Variants in LPP observed in about 807,000 individuals in gnomAD.
LPP encodes LIM domain containing preferred translocation partner in lipoma, also known as lipoma-preferred partner.
Under a neutral mutation model 60.4 loss-of-function variants are expected in LPP, and 38 were observed. The ratio of observed to expected loss-of-function variants is 0.63; its 90% CI spans 0.49 to 0.83. The LOEUF is 0.83. LPP is among the 40% of genes least tolerant of loss of function. The pLI, the probability that LPP is intolerant of heterozygous loss-of-function variation, is 0.00. For missense variants in LPP, 902 were observed against 783.6 expected, an observed-to-expected ratio of 1.15 and a Z score of -1.80; for synonymous variants, 328 against 290.8, an observed-to-expected ratio of 1.13 and a Z score of -1.30.
Position 188,213,961 on chromosome 3 carries a change from AACACACAC to A in LPP, c.-189-11411_-189-11404del, listed in dbSNP as rs59389556. The stretch of plus-strand genomic sequence containing the variant: ...GAGTCCTGATTCTGATTAGATTTTA[AACACACAC>A]ACACACACACACACACACACACACA... On this transcript the variant is annotated intron_variant, in intron 1 of 11. Transcript: ENST00000617246. 5.2e-4 allele frequency among the ~76,000 whole-genome samples: 68 copies of A among 130,408 alleles called. 1 individual carries two copies. Among genetic ancestry groups the A allele is most frequent in the Admixed American group, 1.2e-3 (15 of 12,380 alleles). 85.6% of individuals were successfully genotyped at this position (130,408 alleles called of 152,430 possible). A position where few individuals can be genotyped will look rare whatever the true frequency, so the allele number is the denominator to read the frequency against.
chr3:188,416,691 T>C (rs1248178198), intron 4 of LPP, among the ~76,000 whole-genome samples: 4 of 152,146 alleles, frequency 2.6e-5, no homozygotes, highest in Admixed American at 6.6e-5. Context: ...TAGACACCAA[T>C]CGTTTGCATA....
In LPP at chr3:188,708,592, A is replaced by T. The variant is rs548976184; in HGVS notation, c.1240+199A>T. On this transcript the variant is annotated intron_variant, in intron 8 of 11. Coordinates refer to ENST00000617246, the MANE Select transcript of LPP (RefSeq NM_001375462.1). ...CATAGATGTGATGTCTACTTAGCTT[A>T]TACTAAAATTTCAGTGGTCCTTAGA... is the stretch of plus-strand genomic sequence containing the variant. The T allele has an allele frequency of 4.5e-6, 3 of 668,510 alleles. No individual in the cohort carries two copies. The East Asian group carries it at 8.1e-5, about 18-fold the overall frequency. 41.4% of individuals were successfully genotyped at this position (668,510 alleles called of 1,614,324 possible). A position where few individuals can be genotyped will look rare whatever the true frequency, so the allele number is the denominator to read the frequency against.
At chr3:188,550,495 T>C (rs1001055111) in intron 6 of LPP, among the ~76,000 whole-genome samples, 8 of 147,254 alleles carry the variant, frequency 5.4e-5, no homozygotes, top group Admixed American at 4.9e-4. Context: ...GGAGAATCGC[T>C]TGAACCTGAG....
chr3:188,607,190 G>C (rs946406853), intron 6 of LPP, among the ~76,000 whole-genome samples: 3 of 145,618 alleles, frequency 2.1e-5, no homozygotes, highest in Non-Finnish European at 4.5e-5. Flanking sequence ...TGAAGTCTTT[G>C]AATTAAAGCA....
intron 2 of LPP, among the ~76,000 whole-genome samples, chr3:188,268,317 A>C (rs1009747429): frequency 6.6e-6 from 1 of 152,204 alleles, no homozygotes; most frequent in African/African-American, 2.4e-5. Flanking sequence ...AAACCAAAAC[A>C]AAAAACAACC....
chr3:188,864,166 T>C (rs1765998800), intron 9 of LPP, among the ~76,000 whole-genome samples: 1 of 152,168 alleles, frequency 6.6e-6, no homozygotes, highest in South Asian at 2.1e-4. Flanking sequence ...AGGTTAATAG[T>C]TTCCATGCGT....
At chr3:188,499,161 CTT>C (rs1033253932) in intron 5 of LPP, among the ~76,000 whole-genome samples, 7 of 152,084 alleles carry the variant, frequency 4.6e-5, no homozygotes, top group East Asian at 1.9e-4. Flanking sequence ...CAATTTGTCT[CTT>C]GTGTTATTTG....
chr3:188,653,223 C>T (rs145318790), intron 7 of LPP, among the ~76,000 whole-genome samples: 8 of 152,336 alleles, frequency 5.3e-5, no homozygotes, highest in African/African-American at 1.9e-4. Context: ...CTCTCCTAAT[C>T]TCCCCAAGCA....
At chr3:188,507,920 TA>T (rs980012550) in intron 5 of LPP, among the ~76,000 whole-genome samples, 1 of 152,254 alleles carries the variant, frequency 6.6e-6, no homozygotes, top group African/African-American at 2.4e-5. Context: ...TTTTCTTTAA[TA>T]GTTGTGATGG....
At chr3:188,617,717 TAAA>T (rs1845121329) in intron 7 of LPP, among the ~76,000 whole-genome samples, 1 of 152,210 alleles carries the variant, frequency 6.6e-6, no homozygotes, top group African/African-American at 2.4e-5. Context: ...TTTGGTTGTT[TAAA>T]AATACCCCAG....
chr3:188,258,974 G>A (rs527343405), intron 2 of LPP, among the ~76,000 whole-genome samples: 1 of 152,142 alleles, frequency 6.6e-6, no homozygotes, highest in East Asian at 1.9e-4. Flanking sequence ...ACTTTGGATT[G>A]GATTATTGGG....
At chr3:188,662,650 G>C (rs1854846889) in intron 7 of LPP, among the ~76,000 whole-genome samples, 1 of 152,210 alleles carries the variant, frequency 6.6e-6, no homozygotes, top group African/African-American at 2.4e-5. Context: ...ATTATGTAAA[G>C]AGCTTCTTAT....
At chr3:188,730,318 A>G (rs1237428148) in intron 8 of LPP, among the ~76,000 whole-genome samples, 2 of 152,122 alleles carry the variant, frequency 1.3e-5, no homozygotes, top group African/African-American at 2.4e-5. Context: ...CCCAGATTGA[A>G]ACAGGAGTGT....
intron 2 of LPP, among the ~76,000 whole-genome samples, chr3:188,255,974 G>A (rs970556649): frequency 2.0e-5 from 3 of 152,102 alleles, no homozygotes; most frequent in South Asian, 2.1e-4. Flanking sequence ...CAATGAATAC[G>A]TATATTTTTC....
intron 7 of LPP, among the ~76,000 whole-genome samples, chr3:188,620,339 C>A (rs955014453): frequency 9.2e-5 from 14 of 152,154 alleles, no homozygotes; most frequent in Admixed American, 2.6e-4. Context: ...TTTCCCCAAA[C>A]CCTCTAAGTC....
chr3:188,430,295 A>G (rs1026110774), intron 4 of LPP, among the ~76,000 whole-genome samples: 6 of 152,184 alleles, frequency 3.9e-5, no homozygotes, highest in Non-Finnish European at 7.4e-5. Flanking sequence ...AGAATTTCCT[A>G]TGTGATTTTT....
intron 1 of LPP, among the ~76,000 whole-genome samples, chr3:188,200,132 A>AT (rs796074045): frequency 1.7e-4 from 26 of 150,476 alleles, no homozygotes; most frequent in African/African-American, 3.2e-4. Context: ...TAATTTATCT[A>AT]TTTTTTTTTC....
At chr3:188,584,546 C>CCT (rs144557143) in intron 6 of LPP, 2 of 147,310 alleles carry the variant, frequency 1.4e-5, no homozygotes, top group African/African-American at 5.0e-5. Context: ...TAATTTTAGT[C>CCT]GTGTGTGTGT....
At chr3:188,638,922 T>A (rs1849443179) in intron 7 of LPP, among the ~76,000 whole-genome samples, 1 of 152,080 alleles carries the variant, frequency 6.6e-6, no homozygotes. Flanking sequence ...ATCAATATTG[T>A]GAAAATGGCC....
Sources: gnomAD v4.1 joint callset for allele counts (sites outside exome capture counted in the v4.1 genomes callset) on GRCh38, gnomAD v4.1.1 for gene constraint, MANE v1.5 for transcripts, NCBI Gene and HGNC (gene_info 2026-07-23, HGNC 2026-07-21) for gene names.